The following PCDHGA5 variants were observed in gnomAD, a reference collection of about 807,000 sequenced individuals.
PCDHGA5 encodes the protein protocadherin gamma-A5.
A neutral mutation model predicts 56.7 loss-of-function variants in PCDHGA5; 36 were observed. The ratio of observed to expected loss-of-function variants is 0.64; its 90% CI spans 0.49 to 0.84. The LOEUF (loss-of-function observed/expected upper bound fraction) is 0.84. Among genes scored for constraint, PCDHGA5 ranks in the 40% least tolerant of loss-of-function variants. The pLI is 0.00. For synonymous variants in PCDHGA5, 563 were observed against 520.2 expected (o/e 1.08, Z -1.12); for missense variants, 1,305 against 1,201.5 (o/e 1.09, Z -1.27).
At position 141,422,391 on chromosome 5, in the gene PCDHGA5, T is replaced by A. The variant is rs1036823508; in HGVS notation, c.2421+55640T>A. On this transcript the variant is annotated intron_variant, in intron 1 of 3. Transcript: ENST00000518069. ...ATGGTCAAGTCTCCTGTTTTATTCCTAACCACCTGCCTTTTAAATTAGAAA... is the reference window on the plus strand; with the variant it reads ...ATGGTCAAGTCTCCTGTTTTATTCCAAACCACCTGCCTTTTAAATTAGAAA... 2.5e-6 allele frequency: 4 copies of A among 1,591,932 alleles called. No individual in the cohort carries two copies. The African/African-American group carries it at 4.1e-5, about 16-fold the overall frequency.
At position 141,486,272 on chromosome 5, in the gene PCDHGA5, A is replaced by C. The variant is rs2099627166; in HGVS notation, c.2422-8535A>C. On this transcript the variant is annotated intron_variant, in intron 1 of 3. Transcript: ENST00000518069. The surrounding 1 kb of genome is among the most constrained non-coding windows in gnomAD (Gnocchi z 5.0). ...CCTCCCCGAGAGTGCAGAACCTGGC[A>C]CTGTGGTGGCACTTATCAGTGTGCA... 1 of 1,613,886 alleles carries C rather than the reference A, an allele frequency of 6.2e-7. No individual in the cohort carries two copies. Among genetic ancestry groups the C allele is most frequent in the Non-Finnish European group, 8.5e-7 (1 of 1,179,986 alleles).
intron 1 of PCDHGA5, chr5:141,408,828 G>C: frequency 6.2e-7 from 1 of 1,613,614 alleles, no homozygotes; most frequent in East Asian, 2.2e-5. Context: ...AGATCTCATA[G>C]CTTGATATTG....
intron 1 of PCDHGA5, chr5:141,405,074 G>T (rs536930748): frequency 2.5e-6 from 4 of 1,613,794 alleles, no homozygotes; most frequent in Non-Finnish European, 3.4e-6. Context: ...CCTCACCTTC[G>T]TTATCACGCT....
chr5:141,412,902 T>G, intron 1 of PCDHGA5: 1 of 371,284 alleles, frequency 2.7e-6, no homozygotes, highest in East Asian at 4.2e-5. Flanking sequence ...TACTTTCCAT[T>G]GCATGTATCA....
chr5:141,400,027 G>A, intron 1 of PCDHGA5: 20 of 1,612,664 alleles, frequency 1.2e-5, no homozygotes, highest in Non-Finnish European at 1.7e-5. Flanking sequence ...CAGGGACGCG[G>A]CCCGCCAGCG....
chr5:141,393,134 C>T (rs755308269), intron 1 of PCDHGA5: 2 of 1,613,390 alleles, frequency 1.2e-6, no homozygotes, highest in South Asian at 2.2e-5. Flanking sequence ...TAAATATTAA[C>T]ACCCTGGTTG....
At chr5:141,387,675 C>G in intron 1 of PCDHGA5, 1 of 729,278 alleles carries the variant, frequency 1.4e-6, no homozygotes, top group Non-Finnish European at 2.2e-6. Flanking sequence ...CAGATCTCCT[C>G]GCGCAGCCGC....
chr5:141,366,774 G>A, intron 1 of PCDHGA5, 23 bp downstream of exon 1: 1 of 1,595,562 alleles, frequency 6.3e-7, no homozygotes, highest in East Asian at 2.2e-5. Context: ...TTTCGGTAAG[G>A]ATGACCAGAA....
chr5:141,501,300 C>T (rs867143352), intron 2 of PCDHGA5, among the ~76,000 whole-genome samples: 2,626 of 150,646 alleles, frequency 0.017, 74 homozygotes, highest in African/African-American at 0.06. Context: ...TACACACACA[C>T]ACACACACAC....
intron 1 of PCDHGA5, chr5:141,400,310 G>C: frequency 6.2e-7 from 1 of 1,614,084 alleles, no homozygotes; most frequent in African/African-American, 1.3e-5. Context: ...CCTGGTCTCT[G>C]TGTCAAGTCT....
At position 141,470,736 on chromosome 5, in the gene PCDHGA5, C is replaced by T. The variant is rs541510544; in HGVS notation, c.2422-24071C>T. ...TTTTTGAGTCAGGGTCTTGCTCTGT[C>T]GCCCTGGCTGGAGTGCAGTGGACTC... On this transcript the variant is annotated intron_variant, in intron 1 of 3. Coordinates refer to ENST00000518069, the MANE Select transcript of PCDHGA5 (RefSeq NM_018918.3). Among the ~76,000 whole-genome samples, 104 of 152,208 alleles carry T rather than the reference C, an allele frequency of 6.8e-4. 2 individuals carry two copies. Among genetic ancestry groups the T allele is most frequent in the African/African-American group, 2.4e-3 (98 of 41,522 alleles).
chr5:141,398,241 C>G, intron 1 of PCDHGA5: 1 of 1,474,150 alleles, frequency 6.8e-7, no homozygotes, highest in South Asian at 1.2e-5. Context: ...ACAGGATTCC[C>G]GAGGAAATGC....
intron 1 of PCDHGA5, among the ~76,000 whole-genome samples, chr5:141,469,170 G>A (rs2099192781): frequency 6.6e-6 from 1 of 152,042 alleles, no homozygotes; most frequent in South Asian, 2.1e-4. Context: ...CAGCTACTTG[G>A]GAGGCTGAGG....
intron 1 of PCDHGA5, chr5:141,389,726 C>A: frequency 6.2e-7 from 1 of 1,612,720 alleles, no homozygotes; most frequent in South Asian, 1.1e-5. Flanking sequence ...AGCCCGGGCT[C>A]TTCAGCCTGG....
At chr5:141,455,634 G>T (rs1429708887) in intron 1 of PCDHGA5, among the ~76,000 whole-genome samples, 1 of 152,110 alleles carries the variant, frequency 6.6e-6, no homozygotes, top group African/African-American at 2.4e-5. Context: ...GAGATATGTG[G>T]GGGGCAGCCA....
rs1299573831 is a variant in PCDHGA5 at position 141,500,662 on chromosome 5, T to A, written c.2481-4731T>A. 5.3e-5 allele frequency among the ~76,000 whole-genome samples: 8 copies of A among 152,352 alleles called. No homozygotes were observed. The East Asian group carries it at 1.5e-3, about 29-fold the overall frequency. ...TTTTTAAAAATAGCAACTGAGGCCA[T>A]ACTGTCCAACAGAATTATAGCTTTT... On this transcript the variant is annotated intron_variant, in intron 2 of 3. Coordinates refer to ENST00000518069, the MANE Select transcript of PCDHGA5 (RefSeq NM_018918.3).
chr5:141,495,430 C>T (rs1189953474), intron 2 of PCDHGA5, among the ~76,000 whole-genome samples: 3 of 152,220 alleles, frequency 2.0e-5, no homozygotes, highest in Admixed American at 2.0e-4. Context: ...TCCCACTGTC[C>T]TCTGCCCCTA....
At chr5:141,384,179 G>C in intron 1 of PCDHGA5, 7 of 1,613,830 alleles carry the variant, frequency 4.3e-6, no homozygotes, top group Non-Finnish European at 5.9e-6. Context: ...GCCACAGATG[G>C]TGGAACTCCT....
rs759587995 is a variant in PCDHGA5, at chr5:141,491,802, G to T, written c.2422-3005G>T. On this transcript the variant is annotated intron_variant, in intron 1 of 3. Coordinates refer to ENST00000518069, the MANE Select transcript of PCDHGA5 (RefSeq NM_018918.3). The surrounding 1 kb of genome is among the most constrained non-coding windows in gnomAD (Gnocchi z 6.9). ...ACTTGCATCCACTCCTCTCCGGCCGGCTTGGTCGCTGGCTGCGCTCCACCC... is the reference window on the plus strand; with the variant it reads ...ACTTGCATCCACTCCTCTCCGGCCGTCTTGGTCGCTGGCTGCGCTCCACCC... 1 of 1,497,480 alleles carries T rather than the reference G, an allele frequency of 6.7e-7. No individual in the cohort carries two copies. Among genetic ancestry groups the T allele is most frequent in the East Asian group, 2.5e-5 (1 of 40,518 alleles). The allele number at this position is 1,497,480 out of a possible 1,614,324, so 92.8% of individuals were successfully genotyped here. A position where few individuals can be genotyped will look rare whatever the true frequency, so the allele number is the denominator to read the frequency against.
Sources: allele counts gnomAD v4.1 joint callset (sites outside exome capture counted in the v4.1 genomes callset), GRCh38; gene constraint gnomAD v4.1.1; non-coding constraint Gnocchi (gnomAD v3.1); transcripts MANE v1.5; gene names NCBI Gene and HGNC (gene_info 2026-07-23, HGNC 2026-07-21).